TBC1D1: variants seen among roughly 807,000 people sequenced by gnomAD.
TBC1D1 encodes the protein TBC1 domain family member 1.
TBC1D1 carries 89 observed loss-of-function variants against 125.6 expected under a neutral mutation model. That is an observed-to-expected ratio of 0.71 (90% CI 0.60 to 0.85). The LOEUF (loss-of-function observed/expected upper bound fraction) is 0.85. TBC1D1 is among the 40% of genes least tolerant of loss of function. The pLI is 0.00. For missense variants in TBC1D1, 1,377 were observed against 1,469.2 expected, an observed-to-expected ratio of 0.94 and a Z score of 1.03; for synonymous variants, 565 against 564.1, an observed-to-expected ratio of 1.00 and a Z score of -0.02.
chr4:38,107,653 C>T (rs1436051401), intron 15 of TBC1D1, among the ~76,000 whole-genome samples: 5 of 121,938 alleles, frequency 4.1e-5, no homozygotes, highest in Admixed American at 1.1e-4. Context: ...ATGGCTGGGT[C>T]GTGTTCTACA....
intron 12 of TBC1D1, among the ~76,000 whole-genome samples, chr4:38,072,520 G>A (rs1446027379): frequency 2.0e-5 from 3 of 152,166 alleles, no homozygotes; most frequent in Non-Finnish European, 2.9e-5. Flanking sequence ...TTAGCCATTT[G>A]AGAGGAAAAA....
chr4:38,006,541 C>T (rs1428567703), intron 2 of TBC1D1, among the ~76,000 whole-genome samples: 1 of 142,020 alleles, frequency 7.0e-6, no homozygotes, highest in East Asian at 2.1e-4. Flanking sequence ...TGCAGTGGCA[C>T]AATCTCGTCT....
At chr4:38,071,775 G>A (rs1754750698) in intron 12 of TBC1D1, among the ~76,000 whole-genome samples, 1 of 152,174 alleles carries the variant, frequency 6.6e-6, no homozygotes, top group South Asian at 2.1e-4. Flanking sequence ...TGAGTCTGTG[G>A]AGCTCAATAA....
At chr4:38,005,749 A>G (rs1335539890) in intron 2 of TBC1D1, among the ~76,000 whole-genome samples, 1 of 152,214 alleles carries the variant, frequency 6.6e-6, no homozygotes, top group Non-Finnish European at 1.5e-5. Flanking sequence ...TTTATAGGTA[A>G]GCAAAGCTGG....
chr4:37,929,368 A>G (rs1722787107), intron 2 of TBC1D1, among the ~76,000 whole-genome samples: 1 of 152,252 alleles, frequency 6.6e-6, no homozygotes, highest in African/African-American at 2.4e-5. Flanking sequence ...GAAAGTTAAA[A>G]TGCAAGATCA....
At position 38,115,998 on chromosome 4, in the gene TBC1D1, A is replaced by T. The variant is rs765449410; in HGVS notation, c.2802+44A>T. ...GTCTTTAATACAACAAAATGCTAAG[A>T]ATGTTTCTTATCCCTCTCCAGATGT... On this transcript the variant is annotated intron_variant, in intron 16 of 19. Coordinates refer to ENST00000261439, the MANE Select transcript of TBC1D1 (RefSeq NM_015173.4). 3.8e-6 allele frequency: 6 copies of T among 1,599,652 alleles called. No individual in the cohort carries two copies. In the South Asian group the frequency reaches 6.7e-5, roughly 18 times the overall value.
chr4:38,102,923 T>A, intron 14 of TBC1D1, 76 bp from the exon 17 acceptor site: 2 of 1,436,166 alleles, frequency 1.4e-6, no homozygotes, highest in South Asian at 1.4e-5. Context: ...AAATGGAACA[T>A]GAAACACAAT....
chr4:37,939,566 C>T (rs1387982850), intron 2 of TBC1D1, among the ~76,000 whole-genome samples: 1 of 152,160 alleles, frequency 6.6e-6, no homozygotes, highest in African/African-American at 2.4e-5. Flanking sequence ...GTTGCCATTG[C>T]TTTTGGTGTT....
Position 38,021,647 on chromosome 4 carries a change from C to G in TBC1D1, c.1139C>G (p.Ala380Gly). The change falls in exon 6 of 20, where the codon GCT becomes GGT. Residue 380 changes from alanine to glycine, a missense_variant. By Grantham distance (60) the Ala-to-Gly change is moderately conservative. Around this residue, in one of 3 missense-constraint regions of TBC1D1, gnomAD observed 822 missense variants for 824.6 expected, o/e 1.00. Transcript: ENST00000261439. The stretch of plus-strand genomic sequence containing the variant: ...ACGGTGGCCGCAGTGCAGCAGACAG[C>G]TAAGGCGCCAGCCCAGCTGTGTGAG... 1 of 1,597,920 alleles carries G rather than the reference C, an allele frequency of 6.3e-7. No individual in the cohort carries two copies. The highest frequency in any genetic ancestry group is 8.5e-7 in the Non-Finnish European group (1 of 1,172,712).
At chr4:38,035,726 TTGCCAAGTCTC>T (rs774542356) in intron 8 of TBC1D1, 28 bp downstream of exon 8, 230 of 1,530,400 alleles carry the variant, frequency 1.5e-4, no homozygotes, top group East Asian at 3.6e-4. Context: ...CTTGTAATTG[TTGCCAAGTCTC>T]TGCCAAGTCT....
intron 18 of TBC1D1, among the ~76,000 whole-genome samples, chr4:38,128,795 A>G (rs1348425799): frequency 6.6e-6 from 1 of 152,240 alleles, no homozygotes; most frequent in Non-Finnish European, 1.5e-5. Context: ...GGACCTGTCC[A>G]TTGAATAAAC....
intron 1 of TBC1D1, among the ~76,000 whole-genome samples, chr4:37,893,404 A>C (rs369963332): frequency 1.3e-5 from 2 of 152,168 alleles, no homozygotes; most frequent in East Asian, 3.8e-4. Context: ...GCCCTTTTCC[A>C]GTCTACCGTG....
intron 6 of TBC1D1, among the ~76,000 whole-genome samples, chr4:38,022,511 C>G (rs1419146125): frequency 6.6e-6 from 1 of 152,188 alleles, no homozygotes. Flanking sequence ...AGGAGAAGGC[C>G]ATACTGGAGA....
chr4:37,987,865 T>C (rs557215342), intron 2 of TBC1D1, among the ~76,000 whole-genome samples: 2 of 152,366 alleles, frequency 1.3e-5, no homozygotes, highest in East Asian at 3.9e-4. Context: ...CCATGTTTCA[T>C]AGTTATTCAG....
At chr4:38,072,208 G>C (rs1041565153) in intron 12 of TBC1D1, among the ~76,000 whole-genome samples, 15 of 152,202 alleles carry the variant, frequency 9.9e-5, no homozygotes, top group South Asian at 2.1e-4. Context: ...GAGAGAGAGA[G>C]ACACACGTCT....
chr4:37,940,858 A>G (rs956443191), intron 2 of TBC1D1, among the ~76,000 whole-genome samples: 1 of 152,198 alleles, frequency 6.6e-6, no homozygotes. Context: ...CAAGCCTTGA[A>G]TCCCAGGGAT....
At chr4:37,982,844 T>C (rs1405461281) in intron 2 of TBC1D1, among the ~76,000 whole-genome samples, 1 of 152,266 alleles carries the variant, frequency 6.6e-6, no homozygotes, top group Non-Finnish European at 1.5e-5. Flanking sequence ...GAAGCACCTC[T>C]GATTAATCAT....
intron 12 of TBC1D1, among the ~76,000 whole-genome samples, chr4:38,079,695 T>G (rs1172786604): frequency 1.3e-5 from 2 of 151,596 alleles, no homozygotes; most frequent in Non-Finnish European, 2.9e-5. Context: ...GCCATTGCAG[T>G]CCAGCCTGGG....
intron 5 of TBC1D1, 178 bp downstream of exon 5, chr4:38,020,873 G>A (rs1007782383): frequency 1.6e-5 from 7 of 447,568 alleles, no homozygotes; most frequent in Non-Finnish European, 2.9e-5. Context: ...TTAATTGGCT[G>A]TGCATTTTAT....
Sources: gnomAD v4.1 joint callset for allele counts (sites outside exome capture counted in the v4.1 genomes callset) on GRCh38, gnomAD v4.1.1 for gene constraint, gnomAD v4.1.1 regional missense constraint, MANE v1.5 for transcripts, NCBI Gene and HGNC (gene_info 2026-07-23, HGNC 2026-07-21) for gene names.